BAG1: variants seen among roughly 807,000 people sequenced by gnomAD.
The protein encoded by BAG1 is BAG family molecular chaperone regulator 1.
BAG1 carries 35 observed loss-of-function variants against 35.5 expected under a neutral mutation model. The ratio of observed to expected loss-of-function variants is 0.99; its 90% CI spans 0.75 to 1.31. The LOEUF is 1.31. BAG1 is among the 50% of genes most tolerant of loss of function. The pLI is 0.00. For synonymous variants in BAG1, 191 were observed against 178.9 expected, an observed-to-expected ratio of 1.07 and a Z score of -0.54; for missense variants, 464 against 453.6, an observed-to-expected ratio of 1.02 and a Z score of -0.21.
intron 1 of BAG1, 47 bp downstream of exon 1, chr9:33,264,177 C>G (rs1820648484): frequency 6.5e-7 from 1 of 1,538,778 alleles, no homozygotes; most frequent in East Asian, 2.4e-5. Flanking sequence ...CAGACCCCGC[C>G]GGGCTTTCGG....
chr9:33,263,443 C>T (rs1279472460), intron 1 of BAG1, among the ~76,000 whole-genome samples: 1 of 152,210 alleles, frequency 6.6e-6, no homozygotes, highest in African/African-American at 2.4e-5. Flanking sequence ...GAAGAAGAGA[C>T]GCCAATTCTT....
At chr9:33,264,196 T>G (rs146691472) in intron 1 of BAG1, 28 bp downstream of exon 1, 184 of 1,570,292 alleles carry the variant, frequency 1.2e-4, no homozygotes, top group Non-Finnish European at 1.5e-4. Context: ...GGGACCTGCA[T>G]GGAGCCCACC....
intron 4 of BAG1, 169 bp from the exon 5 acceptor site, chr9:33,257,077 G>A (rs1820471489): frequency 6.9e-6 from 4 of 582,458 alleles, no homozygotes; most frequent in Non-Finnish European, 1.2e-5. Flanking sequence ...GCTGGCCGTG[G>A]GCCAGTCCAA....
intron 2 of BAG1, among the ~76,000 whole-genome samples, chr9:33,261,585 A>G (rs749438898): frequency 6.6e-6 from 1 of 152,214 alleles, no homozygotes; most frequent in Non-Finnish European, 1.5e-5. Context: ...GGTTTTATCC[A>G]GGGGAACATT....
intron 3 of BAG1, among the ~76,000 whole-genome samples, chr9:33,260,674 T>C (rs1187276222): frequency 6.6e-6 from 1 of 152,196 alleles, no homozygotes; most frequent in African/African-American, 2.4e-5. Flanking sequence ...AGATTTTAGT[T>C]AAAAGGTTGG....
chr9:33,256,063 G>A, intron 5 of BAG1, 136 bp from the exon 6 acceptor site: 2 of 771,292 alleles, frequency 2.6e-6, no homozygotes, highest in Non-Finnish European at 4.4e-6. Flanking sequence ...CAATGTAAAT[G>A]TGATATCCAT....
chr9:33,255,766 C>T (rs1269537215), intron 6 of BAG1, 99 bp downstream of exon 6: 2 of 1,350,046 alleles, frequency 1.5e-6, no homozygotes, highest in East Asian at 4.6e-5. Context: ...AAGCCCATAC[C>T]ACACACCACG....
rs1168036844 is a variant in BAG1 at position 33,254,919 on chromosome 9, G to A, written c.*300C>T. 5.6e-6 allele frequency: 6 copies of A among 1,064,806 alleles called. No individual in the cohort carries two copies. The highest frequency in any genetic ancestry group is 4.2e-5 in the East Asian group (1 of 23,766). 66.0% of individuals were successfully genotyped at this position (1,064,806 alleles called of 1,614,324 possible). A position where few individuals can be genotyped will look rare whatever the true frequency, so the allele number is the denominator to read the frequency against. On this transcript the variant is annotated 3_prime_UTR_variant, in exon 7 of 7. Coordinates refer to ENST00000634734, the MANE Select transcript of BAG1 (RefSeq NM_004323.6). ...CCAAGGCAAATTAGAGCTCTCACCA[G>A]CCCAAAGAAAGCACCCAGAGGTCCA...
At chr9:33,256,210 C>T (rs1437907180) in intron 5 of BAG1, among the ~76,000 whole-genome samples, 1 of 152,144 alleles carries the variant, frequency 6.6e-6, no homozygotes, top group Non-Finnish European at 1.5e-5. Context: ...TTTATTGTTT[C>T]CTATGTATGG....
In BAG1 at chr9:33,261,287, G is replaced by C. The variant is rs1258771704; in HGVS notation, c.581-118C>G. On this transcript the variant is annotated intron_variant, in intron 2 of 6. Coordinates refer to ENST00000634734, the MANE Select transcript of BAG1 (RefSeq NM_004323.6). Reference sequence around the variant, plus strand: ...ACTAATGAGAACTGGTATCTTTTTAGAGGGTGTCATGACCCAGTAATTTCA... The same window carrying C: ...ACTAATGAGAACTGGTATCTTTTTACAGGGTGTCATGACCCAGTAATTTCA... 3 of 663,884 alleles carry C rather than the reference G, an allele frequency of 4.5e-6. No individual in the cohort carries two copies. In the African/African-American group the frequency reaches 5.6e-5, roughly 12 times the overall value. The allele number at this position is 663,884 out of a possible 1,614,324, so 41.1% of individuals were successfully genotyped here. A position where few individuals can be genotyped will look rare whatever the true frequency, so the allele number is the denominator to read the frequency against.
intron 2 of BAG1, among the ~76,000 whole-genome samples, chr9:33,261,557 CA>C (rs1820571351): frequency 6.6e-6 from 1 of 152,168 alleles, no homozygotes; most frequent in Non-Finnish European, 1.5e-5. Context: ...ATGCTGATGA[CA>C]CAGTGTTATT....
intron 3 of BAG1, chr9:33,260,243 C>T (rs1198412827): frequency 6.6e-6 from 1 of 152,246 alleles, no homozygotes; most frequent in African/African-American, 2.4e-5. Flanking sequence ...TCAAACTTGA[C>T]TCTTTGGTTC....
At chr9:33,261,368 T>C (rs1820566890) in intron 2 of BAG1, among the ~76,000 whole-genome samples, 199 bp from the exon 3 acceptor site, 1 of 152,216 alleles carries the variant, frequency 6.6e-6, no homozygotes, top group Non-Finnish European at 1.5e-5. Flanking sequence ...CAGTAACTAC[T>C]ATACGATAAT....
intron 6 of BAG1, among the ~76,000 whole-genome samples, chr9:33,255,564 T>C (rs1451609075): frequency 6.6e-6 from 1 of 152,246 alleles, no homozygotes; most frequent in East Asian, 1.9e-4. Context: ...TCAGGGCCAC[T>C]GCACAGCAAC....
At position 33,264,347 on chromosome 9, in the gene BAG1, C is replaced by T. The variant is rs771205724; in HGVS notation, c.328G>A (p.Ala110Thr). The change falls in exon 1 of 7, where the codon GCG (alanine) becomes ACG (threonine). Residue 110 changes from alanine to threonine, a missense_variant. Ala to Thr is a moderately conservative substitution (Grantham distance 58, BLOSUM62 0). Coordinates refer to ENST00000634734, the MANE Select transcript of BAG1 (RefSeq NM_004323.6). ...CGATTCATCTCTTCGCCCTGGGTCG[C>T]CTCCTCACTCTGGGTCGCCTCTTCA... 1.2e-5 allele frequency: 19 copies of T among 1,613,758 alleles called. No homozygotes were observed. In the South Asian group the frequency reaches 2.1e-4, roughly 18 times the overall value.
In BAG1 at chr9:33,252,894, T is replaced by A. The variant is rs1820366984; in HGVS notation, c.*2325A>T. The A allele has an allele frequency of 6.6e-6, 1 of 151,894 alleles. No individual in the cohort carries two copies. The highest frequency in any genetic ancestry group is 1.5e-5 in the Non-Finnish European group (1 of 68,038). The allele number at this position is 151,894 out of a possible 1,614,324, so 9.4% of individuals were successfully genotyped here. ...TTGGAGGAAGGAAGGTGAGGAGCTGTTCAAGCAGAGGTAGTAGCAGGAGCA... is the reference window on the plus strand; with the variant it reads ...TTGGAGGAAGGAAGGTGAGGAGCTGATCAAGCAGAGGTAGTAGCAGGAGCA... On this transcript the variant is annotated 3_prime_UTR_variant, in exon 7 of 7. Transcript: ENST00000634734.
At position 33,264,494 on chromosome 9, in the gene BAG1, T is replaced by C. The variant is rs536080013; in HGVS notation, c.181A>G (p.Arg61Gly). The C allele has an allele frequency of 8.1e-6, 13 of 1,609,310 alleles. No homozygotes were observed. The highest frequency in any genetic ancestry group is 4.0e-5 in the African/African-American group (3 of 74,856). The stretch of plus-strand genomic sequence containing the variant: ...CTGCGAGCGCCGGCGGCGGCGCCCC[T>C]GGTGGGTCGGTCATGCCCGCTGGCA... Residue 61 changes from arginine (R) to glycine (G), a missense_variant, in exon 1 of 7, where the codon AGG becomes GGG. Physicochemically the swap from Arg to Gly is moderately radical, Grantham distance 125. Transcript: ENST00000634734.
chr9:33,262,775 A>C lies in BAG1; in HGVS notation c.507T>G (p.Val169=). The change falls in exon 2 of 7, where the codon GTT becomes GTG. Residue 169 remains valine (V), a synonymous_variant. Coordinates refer to ENST00000634734, the MANE Select transcript of BAG1 (RefSeq NM_004323.6). ...CAACAACCTGGGCCAGGTCTTGGACAACTGGTTCACTGCTGCCCTGCTGGG... is the reference window on the plus strand; with the variant it reads ...CAACAACCTGGGCCAGGTCTTGGACCACTGGTTCACTGCTGCCCTGCTGGG... The C allele has an allele frequency of 6.2e-7, 1 of 1,614,192 alleles. No individual in the cohort carries two copies. The highest frequency in any genetic ancestry group is 1.3e-5 in the African/African-American group (1 of 75,040).
chr9:33,255,781 T>G (rs1820440334), intron 6 of BAG1, 84 bp downstream of exon 6: 2 of 1,477,790 alleles, frequency 1.4e-6, no homozygotes, highest in Admixed American at 3.4e-5. Context: ...ACCACGCTCC[T>G]ACACTACCTG....
Sources: gnomAD v4.1 joint callset for allele counts (sites outside exome capture counted in the v4.1 genomes callset) on GRCh38, gnomAD v4.1.1 for gene constraint, MANE v1.5 for transcripts, NCBI Gene and HGNC (gene_info 2026-07-23, HGNC 2026-07-21) for gene names.